NEO1: variants seen among roughly 807,000 people sequenced by gnomAD.
NEO1 encodes the protein neogenin 1, also known as neogenin.
In NEO1, 63 loss-of-function variants were observed where a neutral mutation model predicts 159.7. The ratio of observed to expected loss-of-function variants is 0.39; its 90% CI spans 0.32 to 0.49. NEO1 has a LOEUF of 0.49. Ranked by LOEUF, NEO1 falls within the 20% of genes least tolerant of loss-of-function variation. NEO1 has a pLI of 0.85. For missense variants in NEO1, 1,615 were observed against 1,831.0 expected (o/e 0.88, Z 2.15); for synonymous variants, 633 against 662.0 (o/e 0.96, Z 0.67).
chr15:73,072,696 G>A (rs1033582783), intron 1 of NEO1, among the ~76,000 whole-genome samples: 2 of 152,206 alleles, frequency 1.3e-5, no homozygotes, highest in African/African-American at 2.4e-5. Flanking sequence ...AAAAGTGTGT[G>A]TGTGCTTGCG....
intron 1 of NEO1, among the ~76,000 whole-genome samples, chr15:73,071,434 CAG>C (rs1182029325): frequency 6.6e-6 from 1 of 152,168 alleles, no homozygotes; most frequent in Non-Finnish European, 1.5e-5. Flanking sequence ...TTAAAAGAAA[CAG>C]TGTTTGAGAA....
intron 1 of NEO1, among the ~76,000 whole-genome samples, chr15:73,072,389 C>T (rs916011532): frequency 2.0e-5 from 3 of 151,970 alleles, no homozygotes; most frequent in East Asian, 1.9e-4. Flanking sequence ...AACTGTTGGA[C>T]GGAAGCAGGA....
At chr15:73,172,313 C>T (rs755881040) in intron 5 of NEO1, among the ~76,000 whole-genome samples, 9 of 152,088 alleles carry the variant, frequency 5.9e-5, no homozygotes, top group Non-Finnish European at 1.3e-4. Context: ...GTATTAGTGT[C>T]CTTGCCTATA....
intron 1 of NEO1, among the ~76,000 whole-genome samples, chr15:73,089,719 C>CT (rs1230723714): frequency 6.6e-6 from 1 of 151,810 alleles, no homozygotes; most frequent in African/African-American, 2.4e-5. Flanking sequence ...TTGATACAGC[C>CT]TTTTTTGTAG....
At chr15:73,132,560 C>A (rs1419314287) in intron 4 of NEO1, among the ~76,000 whole-genome samples, 1 of 152,152 alleles carries the variant, frequency 6.6e-6, no homozygotes, top group Non-Finnish European at 1.5e-5. Context: ...TAAAAAGCTT[C>A]CACACAGCAA....
intron 1 of NEO1, among the ~76,000 whole-genome samples, chr15:73,092,910 C>T (rs2069776782): frequency 6.6e-6 from 1 of 152,118 alleles, no homozygotes; most frequent in African/African-American, 2.4e-5. Flanking sequence ...TTCAGATTTT[C>T]TCAGTTTTTA....
At chr15:73,249,547 G>C (rs2039965723) in intron 10 of NEO1, 36 bp from the exon 11 acceptor site, 1 of 1,545,468 alleles carries the variant, frequency 6.5e-7, no homozygotes, top group Non-Finnish European at 8.7e-7. Context: ...CTTTTGGCTT[G>C]AGTGCATATG....
At chr15:73,117,649 G>T (rs1224217005) in intron 2 of NEO1, among the ~76,000 whole-genome samples, 1 of 152,140 alleles carries the variant, frequency 6.6e-6, no homozygotes, top group Middle Eastern at 3.2e-3. Flanking sequence ...CCTACTCCAG[G>T]ATTATGGTTT....
chr15:73,184,347 G>A (rs1384158034), intron 7 of NEO1, among the ~76,000 whole-genome samples: 2 of 151,896 alleles, frequency 1.3e-5, no homozygotes, highest in African/African-American at 4.8e-5. Flanking sequence ...GTAGAGACAG[G>A]GTTTCATATA....
At chr15:73,290,224 ATTTTTTTTTTTTTTTT>A (rs34114271) in intron 25 of NEO1, among the ~76,000 whole-genome samples, 1 of 82,252 alleles carries the variant, frequency 1.2e-5, no homozygotes. Flanking sequence ...ACTGTGTGGA[ATTTTTTTTTTTTTTTT>A]TTTTTTTTTT....
At chr15:73,127,490 G>A (rs561749590) in intron 4 of NEO1, among the ~76,000 whole-genome samples, 7 of 152,112 alleles carry the variant, frequency 4.6e-5, no homozygotes, top group Non-Finnish European at 7.4e-5. Context: ...TGGCATCCCT[G>A]CCTTCTACCC....
rs945760268 is a variant in NEO1 at position 73,254,755 on chromosome 15, A to G, written c.2018A>G (p.Tyr673Cys). Residue 673 changes from tyrosine (Y) to cysteine (C), a missense_variant, in exon 13 of 29, where the codon TAC becomes TGC. Around this residue, in one of 3 missense-constraint regions of NEO1, gnomAD observed 1,018 missense variants for 1,115.4 expected, o/e 0.91. Coordinates refer to ENST00000261908, the MANE Select transcript of NEO1 (RefSeq NM_002499.4). ...CAGATTACTGGCTACAAGATTCGCT[A>G]CCGAAAGGCCTCCCGAAAGAGTGAT... ...NGQITGYKIR[Y>C]RKASRKSDVT... 6.2e-7 allele frequency: 1 copy of G among 1,613,990 alleles called. No individual in the cohort carries two copies. The highest frequency in any genetic ancestry group is 1.1e-5 in the South Asian group (1 of 91,086).
intron 1 of NEO1, among the ~76,000 whole-genome samples, chr15:73,056,664 C>T (rs56402186): frequency 0.12 from 18,630 of 151,988 alleles, 1,795 homozygotes; most frequent in African/African-American, 0.26. Context: ...GTGTGTGGGC[C>T]CCCCCTGCCC....
At chr15:73,288,121 A>G (rs1227048094) in intron 23 of NEO1, among the ~76,000 whole-genome samples, 192 bp from the exon 24 acceptor site, 1 of 152,156 alleles carries the variant, frequency 6.6e-6, no homozygotes, top group Non-Finnish European at 1.5e-5. Context: ...GACAAAATAG[A>G]GATACATTTA....
intron 7 of NEO1, among the ~76,000 whole-genome samples, chr15:73,226,423 C>G (rs2038593929): frequency 6.6e-6 from 1 of 152,072 alleles, no homozygotes; most frequent in African/African-American, 2.4e-5. Context: ...GGGATGGATC[C>G]CCAGACTGGA....
intron 8 of NEO1, among the ~76,000 whole-genome samples, chr15:73,237,922 G>A (rs534572590): frequency 1.3e-5 from 2 of 152,172 alleles, no homozygotes; most frequent in Admixed American, 1.3e-4. Flanking sequence ...TACCAGAAAT[G>A]CATTTTCCTC....
intron 5 of NEO1, chr15:73,143,547 G>A (rs993910839): frequency 4.6e-5 from 7 of 152,802 alleles, no homozygotes; most frequent in African/African-American, 1.4e-4. Context: ...TGGGCAGGCA[G>A]TGTGGACTGA....
At chr15:73,152,795 G>T (rs140401540) in intron 5 of NEO1, among the ~76,000 whole-genome samples, 45 of 152,170 alleles carry the variant, frequency 3.0e-4, no homozygotes, top group African/African-American at 9.6e-4. Context: ...TAGGTGTGTG[G>T]GGGGGAAACT....
intron 1 of NEO1, among the ~76,000 whole-genome samples, chr15:73,099,381 T>C (rs1262506531): frequency 6.6e-6 from 1 of 152,228 alleles, no homozygotes; most frequent in Non-Finnish European, 1.5e-5. Context: ...AATGCACAGT[T>C]GAATAGAAGA....
Sources: allele counts gnomAD v4.1 joint callset (sites outside exome capture counted in the v4.1 genomes callset), GRCh38; gene constraint gnomAD v4.1.1; regional missense constraint gnomAD v4.1.1; transcripts MANE v1.5; gene names NCBI Gene and HGNC (gene_info 2026-07-23, HGNC 2026-07-21).